CACNB2: variants seen among roughly 807,000 people sequenced by gnomAD.
CACNB2 encodes the protein voltage-dependent L-type calcium channel subunit beta-2.
A neutral mutation model predicts 73.3 loss-of-function variants in CACNB2; 42 were observed. The ratio of observed to expected loss-of-function variants is 0.57; its 90% CI spans 0.45 to 0.74. The LOEUF (loss-of-function observed/expected upper bound fraction) is 0.74, where lower values mean the gene tolerates loss of function less well. CACNB2 is among the 30% of genes least tolerant of loss of function. The pLI is 0.00. For synonymous variants in CACNB2, 348 were observed against 310.3 expected (o/e 1.12, Z -1.28); for missense variants, 940 against 853.0 (o/e 1.10, Z -1.27).
chr10:18,256,097 T>G (rs1325849201), intron 2 of CACNB2, among the ~76,000 whole-genome samples: 1 of 152,218 alleles, frequency 6.6e-6, no homozygotes, highest in Non-Finnish European at 1.5e-5. Context: ...TATCTACATT[T>G]ACCTTTGATT....
In CACNB2 at chr10:18,539,319, G is replaced by C. The variant is rs2053917943; in HGVS notation, c.1578G>C (p.Lys526Asn). The change falls in exon 14 of 14, where the codon AAG (lysine) becomes AAC (asparagine). Residue 526 changes from lysine to asparagine, a missense_variant. By Grantham distance (94) the Lys-to-Asn change is moderately conservative. Transcript: ENST00000324631. ...AAGAACCTAGTGTGGAACCAGTCAA[G>C]AAATCCCAGCACCGCTCTTCCTCCT... is the stretch of plus-strand genomic sequence containing the variant. ...AEEEPSVEPVKKSQHRSSSSA... is the reference protein window; with the variant it reads ...AEEEPSVEPVNKSQHRSSSSA... 1.2e-6 allele frequency: 2 copies of C among 1,613,946 alleles called. No homozygotes were observed. Among genetic ancestry groups the C allele is most frequent in the Non-Finnish European group, 1.7e-6 (2 of 1,179,966 alleles).
chr10:18,377,869 A>G (rs967596776), intron 2 of CACNB2, among the ~76,000 whole-genome samples: 2 of 152,236 alleles, frequency 1.3e-5, no homozygotes, highest in Non-Finnish European at 2.9e-5. Flanking sequence ...CACAAACATT[A>G]ACCTTCGCTC....
chr10:18,501,933 CTT>C (rs1459524329), intron 5 of CACNB2, among the ~76,000 whole-genome samples: 12 of 152,342 alleles, frequency 7.9e-5, no homozygotes, highest in African/African-American at 2.9e-4. Flanking sequence ...CCAGAATTGA[CTT>C]TCATTAATTC....
rs544599499 is a variant in CACNB2 at position 18,514,858 on chromosome 10, T to A, written c.804+489T>A. On this transcript the variant is annotated intron_variant, in intron 7 of 13. Transcript: ENST00000324631. ...TTCTTTTATCCAGAAATTTAACTTATGATCAAACATATTAAAGCAGTTATT... is the reference window on the plus strand; with the variant it reads ...TTCTTTTATCCAGAAATTTAACTTAAGATCAAACATATTAAAGCAGTTATT... 419 of 749,558 alleles carry A rather than the reference T, an allele frequency of 5.6e-4. 5 individuals carry two copies. In the African/African-American group the frequency reaches 6.2e-3, roughly 11 times the overall value. 46.4% of individuals were successfully genotyped at this position (749,558 alleles called of 1,614,324 possible).
chr10:18,489,007 A>C (rs1324722765), intron 3 of CACNB2, among the ~76,000 whole-genome samples: 1 of 151,402 alleles, frequency 6.6e-6, no homozygotes, highest in Non-Finnish European at 1.5e-5. Context: ...GTGATACCCC[A>C]TCTCTACTAA....
At chr10:18,187,928 TG>T (rs1322906371) in intron 2 of CACNB2, among the ~76,000 whole-genome samples, 2 of 152,170 alleles carry the variant, frequency 1.3e-5, no homozygotes, top group East Asian at 1.9e-4. Flanking sequence ...AATGAAGGGC[TG>T]ACAACAGTGG....
At chr10:18,208,556 G>C (rs984068938) in intron 2 of CACNB2, among the ~76,000 whole-genome samples, 7 of 152,070 alleles carry the variant, frequency 4.6e-5, no homozygotes, top group Non-Finnish European at 8.8e-5. Flanking sequence ...AGGCTGCAGT[G>C]AGCCATGATC....
intron 5 of CACNB2, among the ~76,000 whole-genome samples, chr10:18,502,194 C>G (rs1287737889): frequency 2.0e-5 from 3 of 152,034 alleles, no homozygotes; most frequent in Admixed American, 1.3e-4. Context: ...GTAATCCTAG[C>G]TACTCGGGAG....
chr10:18,359,181 C>T (rs1589134056), intron 2 of CACNB2, among the ~76,000 whole-genome samples: 9 of 151,872 alleles, frequency 5.9e-5, no homozygotes, highest in Admixed American at 5.9e-4. Context: ...TAAAATATCC[C>T]GTGTCCATTG....
rs564061114 is a variant in CACNB2 at position 18,477,759 on chromosome 10, C to T, written c.334-20596C>T. 1.5e-4 allele frequency among the ~76,000 whole-genome samples: 23 copies of T among 152,268 alleles called. No individual in the cohort carries two copies. In the East Asian group the frequency reaches 4.3e-3, roughly 28 times the overall value. On this transcript the variant is annotated intron_variant, in intron 3 of 13. Transcript: ENST00000324631. ...AGGGAAGAGTCACTTATATATTCCTCCGGCTTTCAGTAAATTGGCACTTTA... is the reference window on the plus strand; with the variant it reads ...AGGGAAGAGTCACTTATATATTCCTTCGGCTTTCAGTAAATTGGCACTTTA...
At chr10:18,453,027 C>T (rs563704188) in intron 3 of CACNB2, among the ~76,000 whole-genome samples, 1 of 152,272 alleles carries the variant, frequency 6.6e-6, no homozygotes, top group African/African-American at 2.4e-5. Flanking sequence ...ATCCTCGATT[C>T]CTCTCTGTTT....
chr10:18,393,070 A>G (rs1011285257), intron 2 of CACNB2, among the ~76,000 whole-genome samples: 2 of 152,026 alleles, frequency 1.3e-5, no homozygotes, highest in African/African-American at 4.8e-5. Flanking sequence ...TTAGCTGGGC[A>G]TGGTGGTGGG....
intron 2 of CACNB2, among the ~76,000 whole-genome samples, chr10:18,239,319 C>A (rs1420824434): frequency 6.6e-6 from 1 of 152,120 alleles, no homozygotes; most frequent in African/African-American, 2.4e-5. Context: ...TCCCTCCCAC[C>A]TTTCCGAGTC....
intron 2 of CACNB2, among the ~76,000 whole-genome samples, chr10:18,256,102 T>C (rs2037277028): frequency 6.6e-6 from 1 of 152,204 alleles, no homozygotes. Flanking sequence ...ACATTTACCT[T>C]TGATTACTTT....
At chr10:18,360,236 A>G (rs2042089616) in intron 2 of CACNB2, among the ~76,000 whole-genome samples, 1 of 152,114 alleles carries the variant, frequency 6.6e-6, no homozygotes, top group Admixed American at 6.6e-5. Flanking sequence ...GTTTAGGTTT[A>G]TTTTAAGAGA....
chr10:18,381,171 GT>G (rs1259166575), intron 2 of CACNB2, among the ~76,000 whole-genome samples: 1 of 151,070 alleles, frequency 6.6e-6, no homozygotes, highest in Non-Finnish European at 1.5e-5. Flanking sequence ...TGGTTCTGTT[GT>G]CAGTAATCAC....
chr10:18,515,626 G>C (rs1027625442), intron 7 of CACNB2, among the ~76,000 whole-genome samples: 1 of 152,134 alleles, frequency 6.6e-6, no homozygotes, highest in Non-Finnish European at 1.5e-5. Flanking sequence ...CAGCACTCTG[G>C]GCAAAAATTG....
intron 2 of CACNB2, among the ~76,000 whole-genome samples, chr10:18,218,419 A>G (rs2035598023): frequency 6.6e-6 from 1 of 152,238 alleles, no homozygotes; most frequent in South Asian, 2.1e-4. Context: ...AGATCCCAAG[A>G]GACATTAAAT....
At chr10:18,538,473 C>G (rs1179956466) in intron 13 of CACNB2, 108 bp downstream of exon 13, 1 of 924,482 alleles carries the variant, frequency 1.1e-6, no homozygotes, top group Non-Finnish European at 1.7e-6. Context: ...GGGGCTTGTT[C>G]TAGTATATTA....
Sources: allele counts gnomAD v4.1 joint callset (sites outside exome capture counted in the v4.1 genomes callset), GRCh38; gene constraint gnomAD v4.1.1; transcripts MANE v1.5; gene names NCBI Gene and HGNC (gene_info 2026-07-23, HGNC 2026-07-21).